RBM25: variants seen among roughly 807,000 people sequenced by gnomAD.
RBM25 encodes RNA-binding protein 25.
A neutral mutation model predicts 120.7 loss-of-function variants in RBM25; 19 were observed. That is an observed-to-expected ratio of 0.16 (90% CI 0.11 to 0.23). The LOEUF is 0.23. Among genes scored for constraint, RBM25 ranks in the 10% least tolerant of loss-of-function variants. The pLI is 1.00. For synonymous variants in RBM25, 390 were observed against 326.7 expected, an observed-to-expected ratio of 1.19 and a Z score of -2.09; for missense variants, 605 against 1,041.5, an observed-to-expected ratio of 0.58 and a Z score of 5.77.
chr14:73,081,812 G>A (rs564749008), intron 4 of RBM25, among the ~76,000 whole-genome samples: 2 of 152,300 alleles, frequency 1.3e-5, no homozygotes, highest in African/African-American at 2.4e-5. Context: ...CAGAAGTCCC[G>A]CATCATTCTG....
chr14:73,076,508 C>T, intron 3 of RBM25, 140 bp downstream of exon 3: 1 of 728,722 alleles, frequency 1.4e-6, no homozygotes, highest in South Asian at 1.8e-5. Context: ...TAGAGCATAT[C>T]ATTTATTTGA....
Position 73,097,256 on chromosome 14 carries a change from A to AGT in RBM25, c.729+158_729+159dup, listed in dbSNP as rs1038481012. On this transcript the variant is annotated intron_variant, in intron 7 of 18. Coordinates refer to ENST00000261973, the MANE Select transcript of RBM25 (RefSeq NM_021239.3). ...CACTTTGTCTCCCAGGCTGGAATGCAGTGGTGCAATCTCAGTTCACTGTAA... is the reference window on the plus strand; with the variant it reads ...CACTTTGTCTCCCAGGCTGGAATGCAGTGTGGTGCAATCTCAGTTCACTGTAA... 5.0e-5 allele frequency among the ~76,000 whole-genome samples: 6 copies of AGT among 120,664 alleles called. No homozygotes were observed. In the Admixed American group the frequency reaches 7.2e-4, roughly 14 times the overall value. 79.2% of individuals were successfully genotyped at this position (120,664 alleles called of 152,430 possible). A position where few individuals can be genotyped will look rare whatever the true frequency, so the allele number is the denominator to read the frequency against.
Position 73,119,700 on chromosome 14 carries a change from G to A in RBM25, c.2440-13G>A. 6.2e-7 allele frequency: 1 copy of A among 1,610,618 alleles called. No individual in the cohort carries two copies. Among genetic ancestry groups the A allele is most frequent in the Non-Finnish European group, 8.5e-7 (1 of 1,179,152 alleles). The stretch of plus-strand genomic sequence containing the variant: ...CTTCTCTTACATGTGTTGCTGTTTT[G>A]TTTCCTCTTTAGGTACTTGATGAAG... On this transcript the variant is annotated splice_polypyrimidine_tract_variant and intron_variant, in intron 18 of 18. Coordinates refer to ENST00000261973, the MANE Select transcript of RBM25 (RefSeq NM_021239.3).
chr14:73,062,230 T>A (rs1895020777), intron 1 of RBM25, among the ~76,000 whole-genome samples: 1 of 151,292 alleles, frequency 6.6e-6, no homozygotes, highest in African/African-American at 2.4e-5. Flanking sequence ...CAATTGAGTA[T>A]TTTCATACTT....
chr14:73,086,081 A>G (rs755212860), intron 5 of RBM25, among the ~76,000 whole-genome samples: 4 of 151,596 alleles, frequency 2.6e-5, no homozygotes, highest in Admixed American at 6.6e-5. Flanking sequence ...TCGGCCCCAG[A>G]CTTAGAATCA....
Position 73,105,904 on chromosome 14 carries a change from G to A in RBM25, c.1200G>A (p.Glu400=), listed in dbSNP as rs1896176026. ...AAAGGGAACGAGAGCGGGAAAGAGA[G>A]AGAGAGAGAGAACGAGAGCGAGAAC... The part of the protein sequence containing the change: ...DRERERERER[E]RERERERERE... Residue 400 remains glutamate (E), a synonymous_variant, in exon 11 of 19, where the codon GAG becomes GAA. Coordinates refer to ENST00000261973, the MANE Select transcript of RBM25 (RefSeq NM_021239.3). The A allele has an allele frequency of 6.2e-7, 1 of 1,611,702 alleles. No homozygotes were observed. Among genetic ancestry groups the A allele is most frequent in the Non-Finnish European group, 8.5e-7 (1 of 1,178,204 alleles).
At position 73,058,634 on chromosome 14, in the gene RBM25, C is replaced by T. The variant is rs981590473; in HGVS notation, c.-87C>T. ...CCTGGCGAGCGACGGGCAGAAATCT[C>T]GAACCAGTGGAGCGCACTCGTAACC... is the stretch of plus-strand genomic sequence containing the variant. On this transcript the variant is annotated 5_prime_UTR_variant, in exon 1 of 19. Coordinates refer to ENST00000261973, the MANE Select transcript of RBM25 (RefSeq NM_021239.3). The T allele has an allele frequency of 2.6e-5, 4 of 152,158 alleles. No individual in the cohort carries two copies. Among genetic ancestry groups the T allele is most frequent in the Non-Finnish European group, 5.9e-5 (4 of 68,074 alleles). 9.4% of individuals were successfully genotyped at this position (152,158 alleles called of 1,614,324 possible). A position where few individuals can be genotyped will look rare whatever the true frequency, so the allele number is the denominator to read the frequency against.
intron 17 of RBM25, 53 bp from the exon 18 acceptor site, chr14:73,114,233 G>A: frequency 1.5e-6 from 2 of 1,299,246 alleles, no homozygotes; most frequent in South Asian, 1.4e-5. Flanking sequence ...TTTCTTGACT[G>A]TATTGTTAAT....
chr14:73,103,430 G>A lies in RBM25; in HGVS notation c.1106G>A (p.Arg369Gln), dbSNP rs1404929596. 1.2e-6 allele frequency: 2 copies of A among 1,612,178 alleles called. No homozygotes were observed. Among genetic ancestry groups the A allele is most frequent in the East Asian group, 2.2e-5 (1 of 44,864 alleles). The change falls in exon 10 of 19, where the codon CGG becomes CAG. Residue 369 changes from arginine (R) to glutamine (Q), a missense_variant. By Grantham distance (43) the Arg-to-Gln change is conservative. Around this residue, in one of 4 missense-constraint regions of RBM25, gnomAD observed 465 missense variants for 741.6 expected, o/e 0.63. Transcript: ENST00000261973. The part of the protein sequence containing the change: ...RDRDRERDRD[R>Q]DRERSSDRNK... ...CGGGATCGAGAGAGAGATCGTGACC[G>A]GGATAGAGAAAGGAGCTCAGATCGT... is the stretch of plus-strand genomic sequence containing the variant.
At chr14:73,112,037 T>C in intron 16 of RBM25, 115 bp from the exon 17 acceptor site, 1 of 1,111,710 alleles carries the variant, frequency 9.0e-7, no homozygotes, top group Non-Finnish European at 1.3e-6. Context: ...ATATCTGTCT[T>C]AGTTCAACTT....
chr14:73,101,544 A>G (rs1366882709), intron 9 of RBM25: 2 of 150,574 alleles, frequency 1.3e-5, no homozygotes, highest in Admixed American at 1.3e-4. Flanking sequence ...CTCATATATA[A>G]ACTTCAGGAA....
intron 6 of RBM25, among the ~76,000 whole-genome samples, chr14:73,095,936 A>G (rs1322554576): frequency 1.3e-5 from 2 of 152,160 alleles, no homozygotes; most frequent in Admixed American, 6.6e-5. Context: ...AGAAGCCAAC[A>G]ATTTTCCCCA....
chr14:73,107,774 A>G, intron 12 of RBM25, 52 bp from the exon 13 acceptor site: 4 of 1,318,186 alleles, frequency 3.0e-6, no homozygotes, highest in Non-Finnish European at 4.3e-6. Context: ...AGGGAAGAGT[A>G]ATCTTTATTA....
Position 73,117,210 on chromosome 14 carries a change from C to CTTTTTTTTTT in RBM25, c.2440-2478_2440-2469dup, listed in dbSNP as rs71112704. Among the ~76,000 whole-genome samples the CTTTTTTTTTT allele has an allele frequency of 4.0e-3, 200 of 49,418 alleles. 23 individuals are homozygous for CTTTTTTTTTT. Among genetic ancestry groups the CTTTTTTTTTT allele is most frequent in the Non-Finnish European group, 4.8e-3 (132 of 27,332 alleles). The allele number at this position is 49,418 out of a possible 152,430, so 32.4% of individuals were successfully genotyped here. ...TTTCTTTTAATTTCTTTCTTCTTTT[C>CTTTTTTTTTT]TTTTTTTTTTTTTTTTTTTTTTTTT... is the stretch of plus-strand genomic sequence containing the variant. On this transcript the variant is annotated intron_variant, in intron 18 of 18. Coordinates refer to ENST00000261973, the MANE Select transcript of RBM25 (RefSeq NM_021239.3).
intron 6 of RBM25, 187 bp downstream of exon 6, chr14:73,088,348 A>C (rs780995993): frequency 1.3e-6 from 1 of 791,378 alleles, no homozygotes; most frequent in Non-Finnish European, 2.1e-6. Flanking sequence ...TGGGTGGATG[A>C]CTGTTGGTTT....
At position 73,120,075 on chromosome 14, in the gene RBM25, A is replaced by G. The variant is rs1325521333; in HGVS notation, c.*270A>G. On this transcript the variant is annotated 3_prime_UTR_variant, in exon 19 of 19. Transcript: ENST00000261973. ...AGCTACTGTACACAGCCTATCTGAT[A>G]TAATCTTGTTCTGCTGATTTGTTTC... The G allele has an allele frequency of 3.5e-6, 1 of 285,730 alleles. No individual in the cohort carries two copies. Among genetic ancestry groups the G allele is most frequent in the Non-Finnish European group, 6.4e-6 (1 of 157,340 alleles). The allele number at this position is 285,730 out of a possible 1,614,324, so 17.7% of individuals were successfully genotyped here.
At chr14:73,102,823 A>T (rs1469408693) in intron 9 of RBM25, 1 of 179,882 alleles carries the variant, frequency 5.6e-6, no homozygotes, top group East Asian at 1.4e-4. Flanking sequence ...TTGTGGATTT[A>T]CAGAAATCTA....
intron 5 of RBM25, among the ~76,000 whole-genome samples, chr14:73,086,474 T>C (rs911309263): frequency 7.2e-5 from 11 of 151,886 alleles, no homozygotes; most frequent in African/African-American, 2.7e-4. Flanking sequence ...TGGTGTTTGC[T>C]TTTAGGTTTT....
chr14:73,109,252 A>C, intron 13 of RBM25, 90 bp from the exon 14 acceptor site: 1 of 1,354,624 alleles, frequency 7.4e-7, no homozygotes, highest in Non-Finnish European at 1.0e-6. Flanking sequence ...TGCAGGTTGT[A>C]ATGTTGAAAA....
Sources: gnomAD v4.1 joint callset for allele counts (sites outside exome capture counted in the v4.1 genomes callset) on GRCh38, gnomAD v4.1.1 for gene constraint, gnomAD v4.1.1 regional missense constraint, MANE v1.5 for transcripts, NCBI Gene and HGNC (gene_info 2026-07-23, HGNC 2026-07-21) for gene names.